ADARB2: variants seen among roughly 807,000 people sequenced by gnomAD.
ADARB2 encodes the protein adenosine deaminase RNA specific B2 (inactive).
In ADARB2, 25 loss-of-function variants were observed where a neutral mutation model predicts 62.2. The ratio of observed to expected loss-of-function variants is 0.40; its 90% CI spans 0.29 to 0.56. ADARB2 has a LOEUF of 0.56. ADARB2 is among the 20% of genes least tolerant of loss of function. ADARB2 has a pLI of 0.43. For missense variants in ADARB2, 1,071 were observed against 1,077.4 expected, an observed-to-expected ratio of 0.99 and a Z score of 0.08; for synonymous variants, 572 against 500.8, an observed-to-expected ratio of 1.14 and a Z score of -1.90.
intron 3 of ADARB2, among the ~76,000 whole-genome samples, chr10:1,320,978 G>A (rs906504438): frequency 2.0e-5 from 3 of 152,176 alleles, no homozygotes; most frequent in Non-Finnish European, 4.4e-5. Flanking sequence ...TCATTGTTCA[G>A]TGGGAACATA....
At chr10:1,637,343 G>A (rs993205065) in intron 1 of ADARB2, among the ~76,000 whole-genome samples, 6 of 152,234 alleles carry the variant, frequency 3.9e-5, no homozygotes, top group Non-Finnish European at 8.8e-5. Flanking sequence ...TTTAATTATG[G>A]CATTCTTCCT....
intron 6 of ADARB2, 31 bp downstream of exon 6, chr10:1,233,663 G>A (rs767328073): frequency 8.8e-6 from 14 of 1,586,430 alleles, no homozygotes; most frequent in Admixed American, 1.8e-5. Context: ...GGGGCTGTTG[G>A]CCTACAGAAG....
chr10:1,429,193 G>A (rs1446411518), intron 1 of ADARB2, among the ~76,000 whole-genome samples: 1 of 152,186 alleles, frequency 6.6e-6, no homozygotes, highest in Admixed American at 6.5e-5. Context: ...TGGCATGTGC[G>A]TCCATAAACT....
intron 1 of ADARB2, among the ~76,000 whole-genome samples, chr10:1,385,362 A>T (rs1832516991): frequency 1.3e-5 from 2 of 152,216 alleles, no homozygotes; most frequent in African/African-American, 4.8e-5. Context: ...CATTAAATAG[A>T]TGTTAGAAAT....
rs181327860 is a variant in ADARB2, at chr10:1,672,066, C to T, written c.100+64985G>A. 5.9e-5 allele frequency among the ~76,000 whole-genome samples: 9 copies of T among 151,852 alleles called. No homozygotes were observed. In the East Asian group the frequency reaches 1.4e-3, roughly 23 times the overall value. ...GTGGGCATCAAGCAGAGCCCTACCC[C>T]ATCCCCGAGAGTCAGTGTGTGAGGT... is the stretch of plus-strand genomic sequence containing the variant. On this transcript the variant is annotated intron_variant, in intron 1 of 9. Coordinates refer to ENST00000381312, the MANE Select transcript of ADARB2 (RefSeq NM_018702.4).
chr10:1,679,677 C>T (rs950843803), intron 1 of ADARB2, among the ~76,000 whole-genome samples: 5 of 152,132 alleles, frequency 3.3e-5, no homozygotes, highest in South Asian at 2.1e-4. Flanking sequence ...AGGAGCACTC[C>T]GGTTTCCAGA....
At chr10:1,610,059 T>A (rs1023167183) in intron 1 of ADARB2, among the ~76,000 whole-genome samples, 7 of 150,692 alleles carry the variant, frequency 4.6e-5, no homozygotes, top group South Asian at 2.1e-4. Flanking sequence ...TTTTTTTTTT[T>A]ATTATTACTG....
At chr10:1,484,304 T>C (rs1831515426) in intron 1 of ADARB2, among the ~76,000 whole-genome samples, 1 of 152,244 alleles carries the variant, frequency 6.6e-6, no homozygotes, top group Admixed American at 6.5e-5. Context: ...TTTCTTTAAA[T>C]GCTCGCATGT....
intron 1 of ADARB2, among the ~76,000 whole-genome samples, chr10:1,718,418 T>C (rs1261030965): frequency 1.3e-5 from 2 of 152,204 alleles, no homozygotes; most frequent in East Asian, 1.9e-4. Context: ...CCCACTGCCC[T>C]GGGAACACGG....
In ADARB2 at chr10:1,502,572, A is replaced by G. The variant is rs574211502; in HGVS notation, c.101-123412T>C. On this transcript the variant is annotated intron_variant, in intron 1 of 9. Transcript: ENST00000381312. ...ATTTACTTGTGTTTGAAGAGGAGTT[A>G]AGCTGCAATAAAGGAACTGTCACCC... Among the ~76,000 whole-genome samples, 177 of 152,360 alleles carry G rather than the reference A, an allele frequency of 1.2e-3. 1 individual carries two copies. Among genetic ancestry groups the G allele is most frequent in the Non-Finnish European group, 2.0e-3 (137 of 68,032 alleles).
At chr10:1,261,788 C>G (rs1444734222) in intron 4 of ADARB2, among the ~76,000 whole-genome samples, 2 of 150,338 alleles carry the variant, frequency 1.3e-5, no homozygotes, top group Non-Finnish European at 2.9e-5. Flanking sequence ...CATTCCATTA[C>G]TGGGTATATA....
At chr10:1,633,839 G>A (rs537333366) in intron 1 of ADARB2, among the ~76,000 whole-genome samples, 4 of 152,166 alleles carry the variant, frequency 2.6e-5, no homozygotes, top group Non-Finnish European at 4.4e-5. Context: ...CCAGGCCCCC[G>A]ACTCTGACCC....
At position 1,496,092 on chromosome 10, in the gene ADARB2, TCATCATCGTCATCAC is replaced by T. The variant is rs1485638936; in HGVS notation, c.101-116947_101-116933del. Among the ~76,000 whole-genome samples the T allele has an allele frequency of 5.3e-5, 8 of 151,716 alleles. No individual in the cohort carries two copies. In the East Asian group the frequency reaches 1.6e-3, roughly 29 times the overall value. On this transcript the variant is annotated intron_variant, in intron 1 of 9. Coordinates refer to ENST00000381312, the MANE Select transcript of ADARB2 (RefSeq NM_018702.4). The stretch of plus-strand genomic sequence containing the variant: ...ATCACTATTATCATCGTCATCACCA[TCATCATCGTCATCAC>T]CATCATCATCATTATCGTTATCTTA...
chr10:1,305,275 T>C (rs1358309944), intron 3 of ADARB2, among the ~76,000 whole-genome samples: 1 of 148,974 alleles, frequency 6.7e-6, no homozygotes, highest in African/African-American at 2.4e-5. Flanking sequence ...TACAAACACC[T>C]CTACGCAAAT....
At chr10:1,366,389 C>G (rs529013716) in intron 2 of ADARB2, among the ~76,000 whole-genome samples, 1 of 152,310 alleles carries the variant, frequency 6.6e-6, no homozygotes, top group African/African-American at 2.4e-5. Context: ...CCATACTACC[C>G]TCGCTGGTGA....
intron 1 of ADARB2, among the ~76,000 whole-genome samples, chr10:1,581,539 G>A (rs10903496): frequency 0.51 from 77,380 of 152,116 alleles, 20,151 homozygotes; most frequent in East Asian, 0.64. Flanking sequence ...GAGCCTGTAC[G>A]TAAACCTGTA....
At chr10:1,600,661 CAAAAAA>C (rs71379153) in intron 1 of ADARB2, among the ~76,000 whole-genome samples, 4 of 70,670 alleles carry the variant, frequency 5.7e-5, no homozygotes, top group South Asian at 7.8e-4. Flanking sequence ...GACTCTGTCT[CAAAAAA>C]AAAAAAAAAA....
In ADARB2 at chr10:1,181,715, C is replaced by T. The variant is rs1216760389; in HGVS notation, c.*1478G>A. The T allele has an allele frequency of 6.6e-6, 1 of 152,208 alleles. No homozygotes were observed. The highest frequency in any genetic ancestry group is 2.4e-5 in the African/African-American group (1 of 41,444). The allele number at this position is 152,208 out of a possible 1,614,324, so 9.4% of individuals were successfully genotyped here. A position where few individuals can be genotyped will look rare whatever the true frequency, so the allele number is the denominator to read the frequency against. On this transcript the variant is annotated 3_prime_UTR_variant, in exon 10 of 10. Coordinates refer to ENST00000381312, the MANE Select transcript of ADARB2 (RefSeq NM_018702.4). Reference sequence around the variant, plus strand: ...TGGGATTCTTTCCGGGAAGCCCACACCCCAGAGGTGGACACCACCATGCTT... The same window carrying T: ...TGGGATTCTTTCCGGGAAGCCCACATCCCAGAGGTGGACACCACCATGCTT...
At chr10:1,632,826 C>A (rs1176238706) in intron 1 of ADARB2, among the ~76,000 whole-genome samples, 1 of 152,214 alleles carries the variant, frequency 6.6e-6, no homozygotes, top group Non-Finnish European at 1.5e-5. Context: ...TATGTGGCAA[C>A]TTGACTGGGC....
Sources: gnomAD v4.1 joint callset for allele counts (sites outside exome capture counted in the v4.1 genomes callset) on GRCh38, gnomAD v4.1.1 for gene constraint, MANE v1.5 for transcripts, NCBI Gene and HGNC (gene_info 2026-07-23, HGNC 2026-07-21) for gene names.